The following EVL variants were observed in gnomAD, a reference collection of about 807,000 sequenced individuals.
EVL encodes the protein Enah/Vasp-like.
EVL carries 21 observed loss-of-function variants against 59.6 expected under a neutral mutation model. The observed-to-expected ratio is 0.35, with a 90% confidence interval of 0.25 to 0.51. The LOEUF (loss-of-function observed/expected upper bound fraction) is 0.51. EVL is among the 20% of genes least tolerant of loss of function. The pLI, the probability that EVL is intolerant of heterozygous loss-of-function variation, is 0.97. For synonymous variants in EVL, 198 were observed against 203.5 expected (o/e 0.97, Z 0.23); for missense variants, 462 against 546.6 (o/e 0.85, Z 1.54).
intron 1 of EVL, among the ~76,000 whole-genome samples, chr14:100,013,448 A>T (rs982090250): frequency 6.6e-5 from 10 of 152,186 alleles, no homozygotes; most frequent in African/African-American, 2.4e-4. Context: ...CCATTTTAGG[A>T]TGAGGAAACT....
chr14:100,123,029 C>G (rs1348779560), intron 3 of EVL, among the ~76,000 whole-genome samples: 1 of 152,228 alleles, frequency 6.6e-6, no homozygotes, highest in Non-Finnish European at 1.5e-5. Flanking sequence ...TCAGCTCAGA[C>G]ACACCCAGGT....
At chr14:100,091,069 T>C (rs934552001) in intron 2 of EVL, among the ~76,000 whole-genome samples, 1 of 152,218 alleles carries the variant, frequency 6.6e-6, no homozygotes, top group Non-Finnish European at 1.5e-5. Flanking sequence ...ATCATATATG[T>C]ATTAGTTTTC....
rs534200275 is a variant in EVL at position 100,130,275 on chromosome 14, T to C, written c.839+591T>C. Among the ~76,000 whole-genome samples, 3 of 152,290 alleles carry C rather than the reference T, an allele frequency of 2.0e-5. No homozygotes were observed. Among genetic ancestry groups the C allele is most frequent in the South Asian group, 2.1e-4 (1 of 4,828 alleles). ...CAGCGGGTGTGGCTGCAGCCTGCCA[T>C]TGTGGCTCTCCGCTGTTCCCCAAAT... On this transcript the variant is annotated intron_variant, in intron 7 of 13. Coordinates refer to ENST00000392920, the MANE Select transcript of EVL (RefSeq NM_016337.3). This position sits in a 1 kb window ranked among gnomAD's most constrained non-coding sequence, Gnocchi z 4.8.
intron 1 of EVL, among the ~76,000 whole-genome samples, chr14:100,067,176 C>G (rs1339833623): frequency 6.6e-6 from 1 of 152,198 alleles, no homozygotes; most frequent in Non-Finnish European, 1.5e-5. Context: ...TAGTGACAGT[C>G]CTGGTGGAAG....
intron 1 of EVL, among the ~76,000 whole-genome samples, chr14:99,984,062 A>G (rs2140172734): frequency 6.6e-6 from 1 of 152,328 alleles, no homozygotes; most frequent in South Asian, 2.1e-4. Flanking sequence ...CCTGTACCTA[A>G]GATGGATAGT....
chr14:100,126,592 G>A (rs1194958151), intron 4 of EVL, 115 bp from the exon 5 acceptor site: 4 of 1,062,790 alleles, frequency 3.8e-6, no homozygotes, highest in Admixed American at 3.8e-5. Flanking sequence ...TGGCGCTTGT[G>A]GAGCGCTGGC....
At chr14:100,049,590 AT>A (rs2140245300) in intron 1 of EVL, among the ~76,000 whole-genome samples, 1 of 152,302 alleles carries the variant, frequency 6.6e-6, no homozygotes, top group South Asian at 2.1e-4. Context: ...AGTTGGAAGC[AT>A]TTATATTTTC....
rs372011462 is a variant in EVL, at chr14:100,103,410, A to G, written c.358+5752A>G. Among the ~76,000 whole-genome samples, 20 of 152,154 alleles carry G rather than the reference A, an allele frequency of 1.3e-4. No individual in the cohort carries two copies. The East Asian group carries it at 3.3e-3, about 25-fold the overall frequency. On this transcript the variant is annotated intron_variant, in intron 3 of 13. Transcript: ENST00000392920. ...GTTTTCTTACCATCTCTGCTTATCA[A>G]CATCCTCCCCAGCCCTCTGGATCCA...
intron 1 of EVL, among the ~76,000 whole-genome samples, chr14:100,035,460 A>G (rs1029703394): frequency 6.7e-6 from 1 of 149,004 alleles, no homozygotes; most frequent in Non-Finnish European, 1.5e-5. Context: ...TACTGTTTCT[A>G]TGATAAAGTC....
At chr14:99,990,305 GTTAT>G (rs1344805531) in intron 1 of EVL, among the ~76,000 whole-genome samples, 1 of 152,110 alleles carries the variant, frequency 6.6e-6, no homozygotes, top group Non-Finnish European at 1.5e-5. Flanking sequence ...TTAACAATAA[GTTAT>G]TTATTTCCAG....
At chr14:100,090,993 A>G (rs942668345) in intron 2 of EVL, among the ~76,000 whole-genome samples, 1 of 152,128 alleles carries the variant, frequency 6.6e-6, no homozygotes, top group African/African-American at 2.4e-5. Flanking sequence ...ATAGTAATAT[A>G]ATAATATATA....
At chr14:100,036,033 A>G (rs2061383869) in intron 1 of EVL, among the ~76,000 whole-genome samples, 2 of 152,164 alleles carry the variant, frequency 1.3e-5, no homozygotes, top group Admixed American at 6.5e-5. Context: ...CCTGTTAGGA[A>G]CCATTCCACA....
intron 1 of EVL, among the ~76,000 whole-genome samples, chr14:100,051,398 G>A (rs2061645552): frequency 6.6e-6 from 1 of 152,122 alleles, no homozygotes; most frequent in African/African-American, 2.4e-5. Context: ...TGGGGGCCTT[G>A]GAACATATCC....
chr14:100,137,448 A>T, intron 9 of EVL, 130 bp from the exon 10 acceptor site: 1 of 966,350 alleles, frequency 1.0e-6, no homozygotes, highest in Non-Finnish European at 1.6e-6. Flanking sequence ...TAACTCAATC[A>T]GACCTTCCTG....
rs529736237 is a variant in EVL, at chr14:100,130,073, G to C, written c.839+389G>C. On this transcript the variant is annotated intron_variant, in intron 7 of 13. Coordinates refer to ENST00000392920, the MANE Select transcript of EVL (RefSeq NM_016337.3). The surrounding 1 kb of genome is among the most constrained non-coding windows in gnomAD (Gnocchi z 4.8). ...TCGAGTTTGCAGAGGACACTCTGGT[G>C]AATGTGTGGTGAAGGCACCCCATTC... Among the ~76,000 whole-genome samples the C allele has an allele frequency of 6.6e-6, 1 of 152,396 alleles. No homozygotes were observed. Among genetic ancestry groups the C allele is most frequent in the Admixed American group, 6.5e-5 (1 of 15,310 alleles).
chr14:100,067,421 A>G (rs1224859485), intron 1 of EVL, among the ~76,000 whole-genome samples: 2 of 152,206 alleles, frequency 1.3e-5, no homozygotes, highest in Non-Finnish European at 1.5e-5. Context: ...ATGACAACGT[A>G]CAGAATGCTT....
intron 1 of EVL, among the ~76,000 whole-genome samples, chr14:100,030,193 G>GT (rs1376567915): frequency 6.6e-6 from 1 of 151,092 alleles, no homozygotes. Context: ...CCTGGGTTCA[G>GT]TAATTCACCT....
At chr14:100,094,765 G>A (rs1885685565) in intron 2 of EVL, among the ~76,000 whole-genome samples, 2 of 149,594 alleles carry the variant, frequency 1.3e-5, no homozygotes, top group South Asian at 2.1e-4. Flanking sequence ...CTACGGGCCA[G>A]GCACGGTGGC....
chr14:100,135,630 G>A (rs948118542), intron 8 of EVL: 3 of 390,690 alleles, frequency 7.7e-6, no homozygotes, highest in Non-Finnish European at 9.5e-6. Context: ...AGGGCTTGCG[G>A]GTGTTGAGGG....
Sources: gnomAD v4.1 joint callset for allele counts (sites outside exome capture counted in the v4.1 genomes callset) on GRCh38, gnomAD v4.1.1 for gene constraint, Gnocchi (gnomAD v3.1) non-coding constraint, MANE v1.5 for transcripts, NCBI Gene and HGNC (gene_info 2026-07-23, HGNC 2026-07-21) for gene names.